TNRC6C: variants seen among roughly 807,000 people sequenced by gnomAD.
TNRC6C encodes trinucleotide repeat containing adaptor 6C, also known as trinucleotide repeat-containing gene 6C protein.
In TNRC6C, 20 loss-of-function variants were observed where a neutral mutation model predicts 153.7. The ratio of observed to expected loss-of-function variants is 0.13; its 90% CI spans 0.09 to 0.19. TNRC6C has a LOEUF of 0.19. TNRC6C is among the 10% of genes least tolerant of loss of function. The probability of loss-of-function intolerance (pLI) is 1.00; values close to 1 mark genes in which losing one functional copy is unlikely to be tolerated. For missense variants in TNRC6C, 1,987 were observed against 2,172.0 expected, an observed-to-expected ratio of 0.91 and a Z score of 1.69; for synonymous variants, 811 against 841.4, an observed-to-expected ratio of 0.96 and a Z score of 0.63.
intron 11 of TNRC6C, among the ~76,000 whole-genome samples, chr17:78,084,615 C>CT (rs1567958731): frequency 7.2e-6 from 1 of 139,836 alleles, no homozygotes; most frequent in Non-Finnish European, 1.6e-5. Flanking sequence ...TTTTCTTTTT[C>CT]TTTTTCTTTT....
chr17:78,080,888 C>T (rs937229766), intron 10 of TNRC6C, among the ~76,000 whole-genome samples: 13 of 152,216 alleles, frequency 8.5e-5, no homozygotes, highest in Non-Finnish European at 1.5e-4. Context: ...CAAAAGAGAA[C>T]GTGTTAATTC....
At chr17:78,085,958 CTG>C (rs1435133920) in intron 11 of TNRC6C, among the ~76,000 whole-genome samples, 1 of 151,816 alleles carries the variant, frequency 6.6e-6, no homozygotes, top group Non-Finnish European at 1.5e-5. Flanking sequence ...GGTATTGACT[CTG>C]TGATTTTTTT....
At chr17:77,967,596 C>T (rs2070908008) in intron 1 of TNRC6C, among the ~76,000 whole-genome samples, 1 of 152,144 alleles carries the variant, frequency 6.6e-6, no homozygotes, top group Admixed American at 6.6e-5. Flanking sequence ...TGTAGGGTAC[C>T]TGAAGGAGTG....
chr17:78,047,979 A>C (rs1247166094), intron 2 of TNRC6C, among the ~76,000 whole-genome samples: 5 of 152,224 alleles, frequency 3.3e-5, no homozygotes, highest in African/African-American at 1.2e-4. Flanking sequence ...CGAAGAGTTA[A>C]ATACTATAAG....
intron 7 of TNRC6C, among the ~76,000 whole-genome samples, chr17:78,073,753 T>C (rs2073038155): frequency 6.6e-6 from 1 of 152,196 alleles, no homozygotes; most frequent in South Asian, 2.1e-4. Flanking sequence ...TTTATATGTT[T>C]TTCTGTTTCA....
chr17:78,031,892 T>G, intron 2 of TNRC6C, 50 bp downstream of exon 4: 1 of 1,230,466 alleles, frequency 8.1e-7, no homozygotes, highest in Non-Finnish European at 1.0e-6. Context: ...AACTTTGCTA[T>G]TTTCAACTTT....
chr17:78,069,968 A>G (rs1039342973), intron 5 of TNRC6C, among the ~76,000 whole-genome samples: 2 of 152,240 alleles, frequency 1.3e-5, no homozygotes, highest in African/African-American at 4.8e-5. Flanking sequence ...ACAGGAACTA[A>G]GCAAATGGGG....
chr17:78,050,933 A>C, exon 3 of TNRC6C: 3 of 1,613,998 alleles, frequency 1.9e-6, no homozygotes, highest in Non-Finnish European at 2.5e-6. Flanking sequence ...GCTGACAGTA[A>C]TAGGTCAGGG....
Position 78,079,122 on chromosome 17 carries a change from G to A in TNRC6C, c.3211-273G>A, listed in dbSNP as rs191710599. Among the ~76,000 whole-genome samples the A allele has an allele frequency of 2.0e-3, 307 of 151,574 alleles. 4 individuals carry two copies. Among genetic ancestry groups the A allele is most frequent in the Middle Eastern group, 6.8e-3 (2 of 292 alleles). ...AAAAAAGCCAGGCATAGTGGCGGGG[G>A]TCTGTAATCCCAGCTACTCGGGAGG... On this transcript the variant is annotated intron_variant, in intron 9 of 19. Coordinates refer to ENST00000301624, the Ensembl canonical transcript of TNRC6C. This position sits in a 1 kb window ranked among gnomAD's most constrained non-coding sequence, Gnocchi z 4.3.
intron 1 of TNRC6C, among the ~76,000 whole-genome samples, chr17:78,009,491 A>G (rs2071584355): frequency 6.6e-6 from 1 of 152,218 alleles, no homozygotes; most frequent in African/African-American, 2.4e-5. Flanking sequence ...AGTTAATCTT[A>G]CCATGTATGA....
chr17:77,999,087 T>A (rs934172553), intron 1 of TNRC6C, among the ~76,000 whole-genome samples: 3 of 152,220 alleles, frequency 2.0e-5, no homozygotes, highest in Admixed American at 6.5e-5. Flanking sequence ...GCCTTTGTTC[T>A]GCTGTTTTGA....
chr17:77,997,133 C>G (rs2071340752), intron 1 of TNRC6C, among the ~76,000 whole-genome samples: 1 of 152,174 alleles, frequency 6.6e-6, no homozygotes, highest in African/African-American at 2.4e-5. Context: ...AGACGCGTTT[C>G]TTAAGAAGCG....
intron 1 of TNRC6C, among the ~76,000 whole-genome samples, chr17:78,017,543 G>A (rs2071751160): frequency 6.6e-6 from 1 of 152,128 alleles, no homozygotes. Flanking sequence ...CAGCTGTTCA[G>A]CTCACCATGG....
chr17:78,074,081 T>C (rs2073044192), intron 7 of TNRC6C, among the ~76,000 whole-genome samples: 1 of 152,232 alleles, frequency 6.6e-6, no homozygotes, highest in Admixed American at 6.5e-5. Flanking sequence ...TGAAGCTTAC[T>C]TGACACATAT....
At chr17:77,991,419 T>C (rs1295994142) in intron 1 of TNRC6C, among the ~76,000 whole-genome samples, 1 of 152,168 alleles carries the variant, frequency 6.6e-6, no homozygotes, top group African/African-American at 2.4e-5. Context: ...TTGAAAGAAG[T>C]TTTAGATGGG....
intron 1 of TNRC6C, among the ~76,000 whole-genome samples, chr17:78,005,852 C>A (rs1312723668): frequency 6.6e-6 from 1 of 151,442 alleles, no homozygotes; most frequent in Non-Finnish European, 1.5e-5. Flanking sequence ...GATTATTTGT[C>A]AATTCAAAAT....
chr17:78,077,486 C>A, intron 9 of TNRC6C, 152 bp downstream of exon 11: 2 of 997,768 alleles, frequency 2.0e-6, no homozygotes, highest in African/African-American at 1.6e-5. Context: ...GATTTCCCTT[C>A]AGGTGACTTA....
intron 3 of TNRC6C, among the ~76,000 whole-genome samples, chr17:78,057,293 A>AC (rs2072678428): frequency 6.6e-6 from 1 of 152,236 alleles, no homozygotes; most frequent in Non-Finnish European, 1.5e-5. Context: ...TCAGACATGA[A>AC]CCAAGCCTTC....
chr17:78,099,772 T>C (rs865975029), intron 17 of TNRC6C, among the ~76,000 whole-genome samples: 1 of 152,066 alleles, frequency 6.6e-6, no homozygotes, highest in Non-Finnish European at 1.5e-5. Flanking sequence ...TCCCCTAAAG[T>C]CTTAACTCAT....
Sources: allele counts gnomAD v4.1 joint callset (sites outside exome capture counted in the v4.1 genomes callset), GRCh38; gene constraint gnomAD v4.1.1; non-coding constraint Gnocchi (gnomAD v3.1); transcripts MANE v1.5; gene names NCBI Gene and HGNC (gene_info 2026-07-23, HGNC 2026-07-21).